Variants in OIP5 observed in about 807,000 individuals in gnomAD.
OIP5 encodes the protein protein Mis18-beta.
In OIP5, 24 loss-of-function variants were observed where a neutral mutation model predicts 20.3. The observed-to-expected ratio is 1.18, with a 90% confidence interval of 0.86 to 1.66. OIP5 has a LOEUF of 1.66. Among genes scored for constraint, OIP5 ranks in the 40% most tolerant of loss-of-function variants. The probability of loss-of-function intolerance (pLI) is 0.00; values close to 1 mark genes in which losing one functional copy is unlikely to be tolerated. For synonymous variants in OIP5, 143 were observed against 121.3 expected (o/e 1.18, Z -1.17); for missense variants, 339 against 289.5 (o/e 1.17, Z -1.24).
chr15:41,309,804 T>A lies in OIP5; in HGVS notation c.640A>T (p.Met214Leu). The change falls in exon 5 of 5, where the codon ATG becomes TTG. Residue 214 changes from methionine (M) to leucine (L), a missense_variant. By Grantham distance (15) the Met-to-Leu change is conservative. Transcript: ENST00000220514. ...GGAGTCACTTCACTCAGAATCTTCA[T>A]TAGTGATTTTAAGCGATTGTGCGTT... ...VLTHNRLKSL[M>L]KILSEVTPDQ... 1 of 1,613,984 alleles carries A rather than the reference T, an allele frequency of 6.2e-7. No individual in the cohort carries two copies. Among genetic ancestry groups the A allele is most frequent in the Non-Finnish European group, 8.5e-7 (1 of 1,179,884 alleles).
chr15:41,321,285 G>A (rs1291855571), intron 2 of OIP5, among the ~76,000 whole-genome samples: 7 of 148,612 alleles, frequency 4.7e-5, no homozygotes, highest in South Asian at 2.3e-4. Context: ...CAGCCGTCCC[G>A]TCCTGGAGGG....
chr15:41,316,755 A>C (rs2047790929), intron 3 of OIP5, among the ~76,000 whole-genome samples: 1 of 135,854 alleles, frequency 7.4e-6, no homozygotes, highest in Non-Finnish European at 1.5e-5. Context: ...ACGTCACTGC[A>C]CTCCAGCCTG....
intron 3 of OIP5, among the ~76,000 whole-genome samples, chr15:41,314,929 G>C (rs2047780353): frequency 6.6e-6 from 1 of 151,424 alleles, no homozygotes; most frequent in African/African-American, 2.4e-5. Flanking sequence ...AACATGCCTG[G>C]CCAGCGAAAC....
intron 2 of OIP5, among the ~76,000 whole-genome samples, chr15:41,327,954 G>C (rs1476647615): frequency 6.6e-6 from 1 of 151,968 alleles, no homozygotes; most frequent in Non-Finnish European, 1.5e-5. Flanking sequence ...CAACAAATTA[G>C]CTGGGCATGG....
chr15:41,332,347 G>C lies in OIP5; in HGVS notation c.215C>G (p.Pro72Arg). The C allele has an allele frequency of 6.2e-7, 1 of 1,612,560 alleles. No homozygotes were observed. Among genetic ancestry groups the C allele is most frequent in the South Asian group, 1.1e-5 (1 of 90,932 alleles). The change falls in exon 1 of 5, where the codon CCT (proline) becomes CGT (arginine). Residue 72 changes from proline to arginine, a missense_variant. Physicochemically the swap from Pro to Arg is moderately radical, Grantham distance 103. Transcript: ENST00000220514. ...AGPQLPSWLQ[P>R]ERCAVFQCAQ... is the part of the protein sequence containing the mutation. ...GCACTGGAACACAGCGCACCTCTCA[G>C]GCTGCAGCCAAGACGGCAGCTGCGG...
chr15:41,324,515 G>A (rs780631467), intron 2 of OIP5, among the ~76,000 whole-genome samples: 2 of 152,088 alleles, frequency 1.3e-5, no homozygotes, highest in African/African-American at 4.8e-5. Context: ...GTTTGATGGA[G>A]TTTCGCTCTT....
chr15:41,321,791 G>A (rs1225342091), intron 2 of OIP5, among the ~76,000 whole-genome samples: 1 of 151,054 alleles, frequency 6.6e-6, no homozygotes, highest in African/African-American at 2.4e-5. Flanking sequence ...CACTGCGGAA[G>A]GCCGCAGGGT....
At chr15:41,316,561 G>A (rs890589488) in intron 3 of OIP5, among the ~76,000 whole-genome samples, 7 of 152,038 alleles carry the variant, frequency 4.6e-5, no homozygotes, top group South Asian at 4.2e-4. Flanking sequence ...AGGCCAAGGC[G>A]GGCGGATCAC....
At chr15:41,327,364 A>C (rs752749663) in intron 2 of OIP5, among the ~76,000 whole-genome samples, 2 of 151,846 alleles carry the variant, frequency 1.3e-5, no homozygotes, top group Non-Finnish European at 2.9e-5. Flanking sequence ...GTATTAGTAG[A>C]GATGGGGTTT....
At chr15:41,325,427 T>A (rs2047855481) in intron 2 of OIP5, among the ~76,000 whole-genome samples, 1 of 150,182 alleles carries the variant, frequency 6.7e-6, no homozygotes, top group Non-Finnish European at 1.5e-5. Flanking sequence ...ATAATAAAAA[T>A]AAAAACTGCC....
At chr15:41,328,548 T>C (rs572678841) in intron 2 of OIP5, among the ~76,000 whole-genome samples, 2 of 152,326 alleles carry the variant, frequency 1.3e-5, no homozygotes, top group East Asian at 3.9e-4. Context: ...CATACTATAA[T>C]AATCCTTTTT....
rs555835558 is a variant in OIP5 at position 41,314,205 on chromosome 15, G to A, written c.513-851C>T. Among the ~76,000 whole-genome samples, 17 of 152,058 alleles carry A rather than the reference G, an allele frequency of 1.1e-4. No homozygotes were observed. In the East Asian group the frequency reaches 3.1e-3, roughly 28 times the overall value. Reference sequence around the variant, plus strand: ...CAACCTCTGCCTCCTGGGTTCAAGCGATTCTCCTGCCGCAGCCTCCCGAGT... The same window carrying A: ...CAACCTCTGCCTCCTGGGTTCAAGCAATTCTCCTGCCGCAGCCTCCCGAGT... On this transcript the variant is annotated intron_variant, in intron 3 of 4. Coordinates refer to ENST00000220514, the MANE Select transcript of OIP5 (RefSeq NM_007280.2).
chr15:41,317,290 T>C (rs1159260977), intron 3 of OIP5, among the ~76,000 whole-genome samples: 2 of 152,030 alleles, frequency 1.3e-5, no homozygotes, highest in South Asian at 2.1e-4. Flanking sequence ...ACACTAGTAC[T>C]ATCTACACGT....
Position 41,331,951 on chromosome 15 carries a change from G to A in OIP5, c.353C>T (p.Pro118Leu). Residue 118 changes from proline (P) to leucine (L), a missense_variant, in exon 2 of 5, where the codon CCC (proline) becomes CTC (leucine). By Grantham distance (98) the Pro-to-Leu change is moderately conservative. Coordinates refer to ENST00000220514, the MANE Select transcript of OIP5 (RefSeq NM_007280.2). ...RVTNNVVLEA[P>L]FLVGIEGSLK... ...TGAACCTTCAATGCCAACTAGGAAG[G>A]GCGCTTCCAAAACGACGTTATTTGT... 6.2e-7 allele frequency: 1 copy of A among 1,614,000 alleles called. No individual in the cohort carries two copies. Among genetic ancestry groups the A allele is most frequent in the Non-Finnish European group, 8.5e-7 (1 of 1,180,018 alleles).
intron 4 of OIP5, among the ~76,000 whole-genome samples, 200 bp from the exon 5 acceptor site, chr15:41,310,049 T>C (rs2140456792): frequency 6.6e-6 from 1 of 152,252 alleles, no homozygotes; most frequent in Middle Eastern, 3.4e-3. Context: ...TTTTAAATTT[T>C]CTTTGTAGAG....
rs987873718 is a variant in OIP5, at chr15:41,328,692, G to A, written c.389+3223C>T. Among the ~76,000 whole-genome samples the A allele has an allele frequency of 5.9e-5, 9 of 151,992 alleles. No homozygotes were observed. In the East Asian group the frequency reaches 1.2e-3, roughly 20 times the overall value. ...ATTGTAGAATGTTTAAATAAATGTC[G>A]GAGGGAGTATATTTTAGGAGTATTC... is the stretch of plus-strand genomic sequence containing the variant. On this transcript the variant is annotated intron_variant, in intron 2 of 4. Coordinates refer to ENST00000220514, the MANE Select transcript of OIP5 (RefSeq NM_007280.2).
chr15:41,320,228 T>TA, intron 2 of OIP5, among the ~76,000 whole-genome samples: 1 of 152,224 alleles, frequency 6.6e-6, no homozygotes, highest in South Asian at 2.1e-4. Flanking sequence ...TTGCTTATAT[T>TA]AAAAAAGAAA....
At position 41,309,662 on chromosome 15, in the gene OIP5, GA is replaced by G; in HGVS notation, c.*91del. On this transcript the variant is annotated 3_prime_UTR_variant, in exon 5 of 5. Transcript: ENST00000220514. ...GAAACTGCATTTCCCCTCCATTCTT[GA>G]AGCCAATCTTTTTCAAGAAATGACT... 1.2e-6 allele frequency: 1 copy of G among 806,148 alleles called. No individual in the cohort carries two copies. The highest frequency in any genetic ancestry group is 2.0e-6 in the Non-Finnish European group (1 of 497,842). The allele number at this position is 806,148 out of a possible 1,614,324, so 49.9% of individuals were successfully genotyped here. A position where few individuals can be genotyped will look rare whatever the true frequency, so the allele number is the denominator to read the frequency against.
At chr15:41,330,628 T>C (rs1188623275) in intron 2 of OIP5, among the ~76,000 whole-genome samples, 1 of 151,406 alleles carries the variant, frequency 6.6e-6, no homozygotes, top group East Asian at 1.9e-4. Context: ...TGGTCTCGAT[T>C]TCCTGACCTT....
Sources: allele counts gnomAD v4.1 joint callset (sites outside exome capture counted in the v4.1 genomes callset), GRCh38; gene constraint gnomAD v4.1.1; transcripts MANE v1.5; gene names NCBI Gene and HGNC (gene_info 2026-07-23, HGNC 2026-07-21).